SLC12A8: variants seen among roughly 807,000 people sequenced by gnomAD.
The protein encoded by SLC12A8 is cation-chloride cotransporter 9.
A neutral mutation model predicts 75.6 loss-of-function variants in SLC12A8; 69 were observed. That is an observed-to-expected ratio of 0.91 (90% confidence interval 0.75 to 1.11). The LOEUF (loss-of-function observed/expected upper bound fraction) is 1.11. SLC12A8 is among the 50% of genes most tolerant of loss of function. SLC12A8 has a pLI of 0.00. For missense variants in SLC12A8, 877 were observed against 896.7 expected, an observed-to-expected ratio of 0.98 and a Z score of 0.28; for synonymous variants, 365 against 372.8, an observed-to-expected ratio of 0.98 and a Z score of 0.24.
At chr3:125,149,383 G>A (rs1933865231) in intron 5 of SLC12A8, among the ~76,000 whole-genome samples, 2 of 152,182 alleles carry the variant, frequency 1.3e-5, no homozygotes, top group Non-Finnish European at 2.9e-5. Flanking sequence ...TGGGATTCTG[G>A]TCAGTCAGTT....
At chr3:125,127,020 A>T (rs1579489528) in intron 6 of SLC12A8, among the ~76,000 whole-genome samples, 1 of 152,306 alleles carries the variant, frequency 6.6e-6, no homozygotes, top group East Asian at 1.9e-4. Context: ...GTTGGAACAG[A>T]TATTCATAAG....
At chr3:125,190,246 G>C (rs760950028) in intron 3 of SLC12A8, 129 bp downstream of exon 3, 14 of 986,304 alleles carry the variant, frequency 1.4e-5, no homozygotes, top group Non-Finnish European at 2.0e-5. Flanking sequence ...CATCGTGCTT[G>C]CTTCTGTTTC....
intron 5 of SLC12A8, among the ~76,000 whole-genome samples, chr3:125,161,926 T>C (rs1934184614): frequency 1.3e-5 from 2 of 152,362 alleles, no homozygotes; most frequent in African/African-American, 4.8e-5. Context: ...CAGTTTCTTC[T>C]CAGTTGCAAC....
intron 2 of SLC12A8, among the ~76,000 whole-genome samples, chr3:125,193,079 C>T (rs548036): frequency 2.0e-5 from 3 of 152,200 alleles, no homozygotes; most frequent in South Asian, 2.1e-4. Context: ...GTAGAAATAG[C>T]AGCTTGGGGC....
At chr3:125,135,198 G>A (rs1933456538) in intron 6 of SLC12A8, among the ~76,000 whole-genome samples, 2 of 152,210 alleles carry the variant, frequency 1.3e-5, no homozygotes, top group Admixed American at 6.5e-5. Flanking sequence ...AGACAATAGT[G>A]TTTCTCTGCC....
intron 3 of SLC12A8, among the ~76,000 whole-genome samples, chr3:125,188,808 C>T (rs1357991729): frequency 1.3e-5 from 2 of 152,190 alleles, no homozygotes; most frequent in Non-Finnish European, 2.9e-5. Context: ...TGCTCAAGGG[C>T]TCCACTGCTG....
At chr3:125,097,727 TA>T (rs1938753466) in intron 10 of SLC12A8, among the ~76,000 whole-genome samples, 1 of 152,210 alleles carries the variant, frequency 6.6e-6, no homozygotes, top group Non-Finnish European at 1.5e-5. Context: ...CAATTATTCA[TA>T]ATTCTGAATA....
At chr3:125,088,905 T>C (rs1938523615) in intron 12 of SLC12A8, among the ~76,000 whole-genome samples, 1 of 152,224 alleles carries the variant, frequency 6.6e-6, no homozygotes, top group Non-Finnish European at 1.5e-5. Context: ...AGTGACATTG[T>C]TGTTGATTCT....
intron 5 of SLC12A8, among the ~76,000 whole-genome samples, chr3:125,162,840 T>G (rs1477087803): frequency 2.6e-5 from 4 of 152,136 alleles, no homozygotes; most frequent in African/African-American, 7.2e-5. Context: ...ATCCCAGGCC[T>G]GGCCAGAAAC....
intron 10 of SLC12A8, among the ~76,000 whole-genome samples, chr3:125,100,742 G>C (rs568739863): frequency 6.7e-6 from 1 of 150,098 alleles, no homozygotes; most frequent in African/African-American, 2.4e-5. Flanking sequence ...GGCCGGGCGC[G>C]GTGGCTCACG....
In SLC12A8 at chr3:125,185,377, T is replaced by C. The variant is rs867962427; in HGVS notation, c.390+1860A>G. The stretch of plus-strand genomic sequence containing the variant: ...CCCAGATTAAAAAAAAAAAAAGAAA[T>C]GGACAAATTCCTAGGAAGATATAAA... On this transcript the variant is annotated intron_variant, in intron 4 of 13. Transcript: ENST00000469902. 2.2e-4 allele frequency among the ~76,000 whole-genome samples: 30 copies of C among 133,590 alleles called. No individual in the cohort carries two copies. The South Asian group carries it at 5.5e-3, about 24-fold the overall frequency. The allele number at this position is 133,590 out of a possible 152,430, so 87.6% of individuals were successfully genotyped here. A position where few individuals can be genotyped will look rare whatever the true frequency, so the allele number is the denominator to read the frequency against.
intron 6 of SLC12A8, among the ~76,000 whole-genome samples, chr3:125,125,151 T>C (rs1933168156): frequency 1.3e-5 from 2 of 152,006 alleles, no homozygotes; most frequent in African/African-American, 2.4e-5. Context: ...ATGAAAACTT[T>C]CTTCATTATT....
chr3:125,201,185 G>A (rs938677428), intron 2 of SLC12A8, among the ~76,000 whole-genome samples: 1 of 152,098 alleles, frequency 6.6e-6, no homozygotes, highest in African/African-American at 2.4e-5. Flanking sequence ...GATCACTTGA[G>A]GCCAGGCAAG....
chr3:125,107,318 A>G (rs1031948683), intron 10 of SLC12A8, among the ~76,000 whole-genome samples, 163 bp downstream of exon 10: 5 of 152,268 alleles, frequency 3.3e-5, no homozygotes, highest in Admixed American at 2.6e-4. Context: ...TATAATTACA[A>G]ATAATTCAGC....
intron 6 of SLC12A8, among the ~76,000 whole-genome samples, chr3:125,125,482 C>T (rs1560060028): frequency 6.6e-6 from 1 of 152,192 alleles, no homozygotes. Flanking sequence ...TCGCTTGAAT[C>T]TGGGAGGCGT....
intron 5 of SLC12A8, among the ~76,000 whole-genome samples, chr3:125,175,799 A>T (rs564095797): frequency 3.3e-5 from 5 of 152,000 alleles, no homozygotes; most frequent in African/African-American, 1.2e-4. Flanking sequence ...GAGATGCGTC[A>T]AATATTTAGC....
At chr3:125,190,327 C>T (rs763592068) in intron 3 of SLC12A8, 48 bp downstream of exon 3, 29 of 1,603,690 alleles carry the variant, frequency 1.8e-5, no homozygotes, top group Admixed American at 1.0e-4. Flanking sequence ...GCAGAGCTTT[C>T]CTGTCTTGGG....
chr3:125,103,200 G>A (rs563985508), intron 10 of SLC12A8, among the ~76,000 whole-genome samples: 6 of 152,074 alleles, frequency 3.9e-5, no homozygotes, highest in Admixed American at 6.5e-5. Context: ...TAAACAGTGG[G>A]ACCCCTCTCC....
chr3:125,144,849 C>A (rs543727871), intron 5 of SLC12A8, among the ~76,000 whole-genome samples: 1 of 152,194 alleles, frequency 6.6e-6, no homozygotes, highest in Non-Finnish European at 1.5e-5. Flanking sequence ...TCAAGTGACC[C>A]CTGCAGGGAA....
Sources: allele counts gnomAD v4.1 joint callset (sites outside exome capture counted in the v4.1 genomes callset), GRCh38; gene constraint gnomAD v4.1.1; transcripts MANE v1.5; gene names NCBI Gene and HGNC (gene_info 2026-07-23, HGNC 2026-07-21).